The following DPYD variants were observed in gnomAD, a reference collection of about 807,000 sequenced individuals.
DPYD encodes the protein dihydropyrimidine dehydrogenase [NADP(+)].
In DPYD, 109 loss-of-function variants were observed where a neutral mutation model predicts 116.2. The ratio of observed to expected loss-of-function variants is 0.94; its 90% CI spans 0.80 to 1.10. The LOEUF is 1.10. Ranked by LOEUF, DPYD falls within the 50% of genes least tolerant of loss-of-function variation. The probability of loss-of-function intolerance (pLI) is 0.00; values close to 1 mark genes in which losing one functional copy is unlikely to be tolerated. For missense variants in DPYD, 1,302 were observed against 1,254.5 expected, an observed-to-expected ratio of 1.04 and a Z score of -0.57; for synonymous variants, 440 against 432.0, an observed-to-expected ratio of 1.02 and a Z score of -0.23.
intron 14 of DPYD, among the ~76,000 whole-genome samples, chr1:97,433,558 A>T (rs1675297969): frequency 1.3e-5 from 2 of 152,132 alleles, no homozygotes; most frequent in Non-Finnish European, 2.9e-5. Context: ...TTTGTGGCTT[A>T]TATCTTTTGT....
In DPYD at chr1:97,095,060, G is replaced by T. The variant is rs372353290; in HGVS notation, c.2766+3429C>A. On this transcript the variant is annotated intron_variant, in intron 21 of 22. Transcript: ENST00000370192. ...TTTGTTTTGTAGAAGTGTAAAAGGG[G>T]TATTTTAAGTTTGGTATTAATTAAA... Among the ~76,000 whole-genome samples, 6 of 152,188 alleles carry T rather than the reference G, an allele frequency of 3.9e-5. No homozygotes were observed. The South Asian group carries it at 1.2e-3, about 32-fold the overall frequency.
At chr1:97,342,431 G>T (rs1031325545) in intron 16 of DPYD, among the ~76,000 whole-genome samples, 1 of 151,948 alleles carries the variant, frequency 6.6e-6, no homozygotes, top group Non-Finnish European at 1.5e-5. Context: ...AATTACTAAG[G>T]CTTTTTCTTT....
intron 20 of DPYD, among the ~76,000 whole-genome samples, chr1:97,153,776 T>C (rs1248618914): frequency 6.6e-6 from 1 of 151,934 alleles, no homozygotes; most frequent in African/African-American, 2.4e-5. Flanking sequence ...GTCCAGAAGC[T>C]ACAAAGAACT....
intron 18 of DPYD, among the ~76,000 whole-genome samples, chr1:97,294,316 C>A (rs1028367780): frequency 2.0e-5 from 3 of 152,052 alleles, no homozygotes; most frequent in Admixed American, 2.0e-4. Context: ...TATTATATAT[C>A]GTTTTGTTGT....
chr1:97,633,266 G>A (rs531110430), intron 8 of DPYD, among the ~76,000 whole-genome samples: 21 of 152,096 alleles, frequency 1.4e-4, no homozygotes, highest in Non-Finnish European at 2.4e-4. Context: ...TTTGGACCAC[G>A]AAATGAGACA....
intron 1 of DPYD, among the ~76,000 whole-genome samples, chr1:97,905,878 T>C (rs556211358): frequency 6.6e-6 from 1 of 152,210 alleles, no homozygotes; most frequent in African/African-American, 2.4e-5. Flanking sequence ...AATGTAAAAC[T>C]GAGCTCATAT....
intron 3 of DPYD, among the ~76,000 whole-genome samples, chr1:97,744,474 C>G (rs936329548): frequency 1.3e-5 from 2 of 151,952 alleles, no homozygotes; most frequent in Non-Finnish European, 2.9e-5. Flanking sequence ...CACATACACA[C>G]AAAGCTATCT....
intron 14 of DPYD, among the ~76,000 whole-genome samples, chr1:97,390,647 T>C (rs765149319): frequency 2.0e-5 from 3 of 151,990 alleles, no homozygotes; most frequent in African/African-American, 7.2e-5. Flanking sequence ...ATTTAAAAAT[T>C]CATCATTTTT....
chr1:97,774,289 T>A (rs907157920), intron 3 of DPYD, among the ~76,000 whole-genome samples: 1 of 152,182 alleles, frequency 6.6e-6, no homozygotes, highest in Non-Finnish European at 1.5e-5. Context: ...TCTCTCTCTT[T>A]CCTGTGAGTA....
chr1:97,772,130 T>G (rs1666176546), intron 3 of DPYD, among the ~76,000 whole-genome samples: 1 of 152,184 alleles, frequency 6.6e-6, no homozygotes, highest in Non-Finnish European at 1.5e-5. Context: ...TTTAAACTAC[T>G]CTCTGACTTC....
At chr1:97,474,270 C>CTAAATG (rs1410991963) in intron 13 of DPYD, among the ~76,000 whole-genome samples, 1 of 151,940 alleles carries the variant, frequency 6.6e-6, no homozygotes, top group Non-Finnish European at 1.5e-5. Context: ...AATTTGTATT[C>CTAAATG]TAAATGTAAA....
intron 21 of DPYD, among the ~76,000 whole-genome samples, chr1:97,085,275 G>C (rs1412469586): frequency 6.6e-6 from 1 of 152,180 alleles, no homozygotes; most frequent in Non-Finnish European, 1.5e-5. Flanking sequence ...TCTCTAGGCA[G>C]TCAACAAGTG....
intron 18 of DPYD, among the ~76,000 whole-genome samples, chr1:97,281,815 T>C (rs953576503): frequency 6.6e-6 from 1 of 152,090 alleles, no homozygotes; most frequent in Non-Finnish European, 1.5e-5. Flanking sequence ...CCATGATGTA[T>C]AACAAAGTGC....
intron 18 of DPYD, among the ~76,000 whole-genome samples, chr1:97,290,019 T>A (rs998272569): frequency 6.6e-6 from 1 of 152,010 alleles, no homozygotes; most frequent in Admixed American, 6.6e-5. Context: ...TGTACAAAAA[T>A]CAAATCACAA....
At chr1:97,849,068 T>G (rs1670450223) in intron 2 of DPYD, among the ~76,000 whole-genome samples, 2 of 152,150 alleles carry the variant, frequency 1.3e-5, no homozygotes, top group Non-Finnish European at 2.9e-5. Context: ...GTATAAAAAT[T>G]TAATGATTAG....
At chr1:97,221,899 T>C (rs1199134550) in intron 19 of DPYD, among the ~76,000 whole-genome samples, 1 of 152,148 alleles carries the variant, frequency 6.6e-6, no homozygotes, top group East Asian at 1.9e-4. Flanking sequence ...TCCCAATATA[T>C]AAAGAGTAGT....
chr1:97,358,467 G>A (rs1339299092), intron 16 of DPYD, among the ~76,000 whole-genome samples: 1 of 152,224 alleles, frequency 6.6e-6, no homozygotes, highest in Non-Finnish European at 1.5e-5. Context: ...CCAGCATGGT[G>A]TCTGAGCTCA....
At chr1:97,695,067 T>C (rs1009035345) in intron 6 of DPYD, among the ~76,000 whole-genome samples, 1 of 152,108 alleles carries the variant, frequency 6.6e-6, no homozygotes, top group South Asian at 2.1e-4. Flanking sequence ...CAATTCCCCA[T>C]AGGCGACATA....
At position 97,823,358 on chromosome 1, in the gene DPYD, G is replaced by A. The variant is rs771317588; in HGVS notation, c.233+4756C>T. Among the ~76,000 whole-genome samples the A allele has an allele frequency of 6.7e-4, 102 of 152,058 alleles. 3 individuals carry two copies. Among genetic ancestry groups the A allele is most frequent in the African/African-American group, 4.8e-4 (20 of 41,398 alleles). On this transcript the variant is annotated intron_variant, in intron 3 of 22. Coordinates refer to ENST00000370192, the MANE Select transcript of DPYD (RefSeq NM_000110.4). The stretch of plus-strand genomic sequence containing the variant: ...TTTAGTAGAGACGGGGTTTCACCGT[G>A]TTAGCCAGGATAGTCTCCATCTCCT...
Sources: gnomAD v4.1 joint callset for allele counts (sites outside exome capture counted in the v4.1 genomes callset) on GRCh38, gnomAD v4.1.1 for gene constraint, MANE v1.5 for transcripts, NCBI Gene and HGNC (gene_info 2026-07-23, HGNC 2026-07-21) for gene names.